Variants in DPP10 observed in about 807,000 individuals in gnomAD.
DPP10 encodes inactive dipeptidyl peptidase 10.
A neutral mutation model predicts 120.9 loss-of-function variants in DPP10; 33 were observed. The ratio of observed to expected loss-of-function variants is 0.27; its 90% CI spans 0.21 to 0.37. The LOEUF is 0.37. Among genes scored for constraint, DPP10 ranks in the 10% least tolerant of loss-of-function variants. The pLI is 1.00. For missense variants in DPP10, 816 were observed against 942.8 expected (o/e 0.87, Z 1.76); for synonymous variants, 337 against 326.1 (o/e 1.03, Z -0.36).
intron 1 of DPP10, among the ~76,000 whole-genome samples, chr2:114,954,468 C>A (rs1005120630): frequency 2.6e-5 from 4 of 151,914 alleles, no homozygotes; most frequent in African/African-American, 9.7e-5. Context: ...AACAGCAATT[C>A]TAATAGGGAA....
intron 3 of DPP10, among the ~76,000 whole-genome samples, chr2:115,442,064 G>A (rs2072118449): frequency 1.3e-5 from 2 of 151,718 alleles, no homozygotes; most frequent in South Asian, 4.2e-4. Context: ...TGCCCGCCTC[G>A]GCCTCCCAAA....
chr2:114,929,236 C>A (rs575677156), intron 1 of DPP10, among the ~76,000 whole-genome samples: 1 of 151,988 alleles, frequency 6.6e-6, no homozygotes, highest in Non-Finnish European at 1.5e-5. Flanking sequence ...AAGGCCAGGG[C>A]GAAATTAGAA....
At chr2:115,593,258 T>C (rs1487136310) in intron 5 of DPP10, among the ~76,000 whole-genome samples, 2 of 152,170 alleles carry the variant, frequency 1.3e-5, no homozygotes, top group African/African-American at 4.8e-5. Context: ...AGCATTTCTA[T>C]GGAAACAGAA....
intron 3 of DPP10, among the ~76,000 whole-genome samples, chr2:115,431,317 C>G (rs1345526415): frequency 6.6e-6 from 1 of 152,102 alleles, no homozygotes; most frequent in Non-Finnish European, 1.5e-5. Context: ...GTTTGAGTAA[C>G]AAGGAGTAGA....
intron 1 of DPP10, among the ~76,000 whole-genome samples, chr2:114,526,941 TATC>T (rs1685551035): frequency 1.3e-5 from 2 of 152,188 alleles, no homozygotes; most frequent in Non-Finnish European, 2.9e-5. Flanking sequence ...CCTATGCAAT[TATC>T]ATTCCAAACT....
chr2:114,605,673 T>A (rs766254773), intron 1 of DPP10, among the ~76,000 whole-genome samples: 1 of 152,092 alleles, frequency 6.6e-6, no homozygotes, highest in Non-Finnish European at 1.5e-5. Flanking sequence ...CCCGATATTA[T>A]TCAAGGGATA....
At chr2:115,804,811 C>G (rs1685719486) in intron 19 of DPP10, among the ~76,000 whole-genome samples, 2 of 152,142 alleles carry the variant, frequency 1.3e-5, no homozygotes, top group African/African-American at 4.8e-5. Context: ...CACAGGAGTA[C>G]CCGGCTATGT....
intron 5 of DPP10, among the ~76,000 whole-genome samples, chr2:115,551,562 G>A (rs977180619): frequency 4.6e-5 from 7 of 152,020 alleles, no homozygotes; most frequent in Non-Finnish European, 1.0e-4. Context: ...ATTTCAAGAT[G>A]CTCATGTTGA....
chr2:114,987,502 C>G (rs941954964), intron 1 of DPP10, among the ~76,000 whole-genome samples: 1 of 152,132 alleles, frequency 6.6e-6, no homozygotes, highest in African/African-American at 2.4e-5. Flanking sequence ...CTCCTTTCTT[C>G]TCTTTCCTTC....
chr2:115,617,433 T>C (rs1283904801), intron 5 of DPP10, among the ~76,000 whole-genome samples: 1 of 151,062 alleles, frequency 6.6e-6, no homozygotes, highest in Admixed American at 6.6e-5. Flanking sequence ...AAATAAAATA[T>C]AAAAACATTA....
At chr2:115,337,180 CTG>C (rs1167186116) in intron 2 of DPP10, among the ~76,000 whole-genome samples, 1 of 151,066 alleles carries the variant, frequency 6.6e-6, no homozygotes, top group Non-Finnish European at 1.5e-5. Context: ...TTAGTGAATG[CTG>C]TGACATTTCT....
At position 114,663,668 on chromosome 2, in the gene DPP10, T is replaced by TAG. The variant is rs1553479098; in HGVS notation, c.60+220858_60+220859dup. 6.8e-3 allele frequency among the ~76,000 whole-genome samples: 551 copies of TAG among 80,672 alleles called. 3 individuals are homozygous for TAG. The highest frequency in any genetic ancestry group is 0.011 in the Admixed American group (87 of 7,576). The allele number at this position is 80,672 out of a possible 152,430, so 52.9% of individuals were successfully genotyped here. A position where few individuals can be genotyped will look rare whatever the true frequency, so the allele number is the denominator to read the frequency against. On this transcript the variant is annotated intron_variant, in intron 1 of 25. Coordinates refer to ENST00000410059, the MANE Select transcript of DPP10 (RefSeq NM_020868.6). ...ATATATATATATATATATATATATA[T>TAG]AGAGAGAGAGAGAGAGAGAGAGAGA...
intron 1 of DPP10, among the ~76,000 whole-genome samples, chr2:114,483,635 T>A (rs552980384): frequency 3.3e-5 from 5 of 152,158 alleles, no homozygotes; most frequent in South Asian, 2.1e-4. Context: ...ATATATATAT[T>A]TTTGTCATTA....
chr2:115,017,138 C>T (rs59032407), intron 1 of DPP10, among the ~76,000 whole-genome samples: 58,562 of 149,486 alleles, frequency 0.39, 11,770 homozygotes, highest in South Asian at 0.53. Flanking sequence ...AGCACACCAG[C>T]ATGGCACATG....
intron 1 of DPP10, among the ~76,000 whole-genome samples, chr2:115,033,256 T>G (rs948195052): frequency 1.8e-4 from 28 of 152,276 alleles, no homozygotes; most frequent in African/African-American, 6.7e-4. Context: ...ACAAACCCTG[T>G]GGTTATAAAC....
At chr2:115,640,054 T>C (rs1181346850) in intron 5 of DPP10, among the ~76,000 whole-genome samples, 1 of 151,732 alleles carries the variant, frequency 6.6e-6, no homozygotes, top group East Asian at 1.9e-4. Flanking sequence ...GGGCCTATAC[T>C]CTAATTTAGA....
At chr2:114,902,538 C>T (rs541911842) in intron 1 of DPP10, among the ~76,000 whole-genome samples, 8 of 148,860 alleles carry the variant, frequency 5.4e-5, no homozygotes, top group African/African-American at 1.6e-4. Context: ...TCAAAGGAAT[C>T]GTGGCTATTA....
chr2:115,237,982 T>G (rs1318060155), intron 1 of DPP10, among the ~76,000 whole-genome samples: 1 of 152,222 alleles, frequency 6.6e-6, no homozygotes, highest in Non-Finnish European at 1.5e-5. Flanking sequence ...CCAGAAGATG[T>G]ATCTGAGATC....
At chr2:115,239,489 G>A (rs1181002812) in intron 1 of DPP10, among the ~76,000 whole-genome samples, 1 of 152,162 alleles carries the variant, frequency 6.6e-6, no homozygotes, top group African/African-American at 2.4e-5. Flanking sequence ...ACTCACTAAA[G>A]GCTCAGATGA....
Sources: gnomAD v4.1 joint callset for allele counts (sites outside exome capture counted in the v4.1 genomes callset) on GRCh38, gnomAD v4.1.1 for gene constraint, MANE v1.5 for transcripts, NCBI Gene and HGNC (gene_info 2026-07-23, HGNC 2026-07-21) for gene names.